ATAD2: variants seen among roughly 807,000 people sequenced by gnomAD.
ATAD2 encodes ATPase family AAA domain-containing protein 2.
A neutral mutation model predicts 168.9 loss-of-function variants in ATAD2; 62 were observed. That is an observed-to-expected ratio of 0.37 (90% CI 0.30 to 0.45). The LOEUF (loss-of-function observed/expected upper bound fraction) is 0.45. Ranked by LOEUF, ATAD2 falls within the 20% of genes least tolerant of loss-of-function variation. ATAD2 has a pLI of 1.00. For missense variants in ATAD2, 1,419 were observed against 1,667.8 expected (o/e 0.85, Z 2.60); for synonymous variants, 613 against 571.6 (o/e 1.07, Z -1.03).
intron 1 of ATAD2, among the ~76,000 whole-genome samples, chr8:123,384,367 T>C (rs1375961403): frequency 6.6e-6 from 1 of 152,122 alleles, no homozygotes; most frequent in East Asian, 1.9e-4. Context: ...AAAAACACAG[T>C]CTTGATTTTT....
intron 8 of ATAD2, among the ~76,000 whole-genome samples, chr8:123,363,946 T>C (rs1828892595): frequency 1.3e-5 from 2 of 152,202 alleles, no homozygotes; most frequent in African/African-American, 4.8e-5. Context: ...CTGCATTCTA[T>C]ACATTACTAT....
At chr8:123,344,748 A>G in intron 19 of ATAD2, 136 bp downstream of exon 19, 1 of 919,256 alleles carries the variant, frequency 1.1e-6, no homozygotes, top group Non-Finnish European at 1.7e-6. Context: ...CCAAATAGTT[A>G]CCAATGGTAT....
chr8:123,406,382 C>CAAAA (rs34085644), intron 1 of ATAD2, among the ~76,000 whole-genome samples: 9 of 90,802 alleles, frequency 9.9e-5, no homozygotes, highest in Non-Finnish European at 1.2e-4. Context: ...ACTGTCTCAC[C>CAAAA]AAAAAAAAAA....
intron 20 of ATAD2, among the ~76,000 whole-genome samples, chr8:123,338,122 C>T (rs948287344): frequency 2.0e-5 from 3 of 151,982 alleles, no homozygotes; most frequent in Admixed American, 6.6e-5. Context: ...TTTGGGAGGC[C>T]GAGGTGGGTG....
chr8:123,359,814 T>C lies in ATAD2; in HGVS notation c.1158-129A>G, dbSNP rs1828759695. 4.7e-6 allele frequency: 3 copies of C among 633,984 alleles called. No individual in the cohort carries two copies. The East Asian group carries it at 8.7e-5, about 18-fold the overall frequency. 39.3% of individuals were successfully genotyped at this position (633,984 alleles called of 1,614,324 possible). A position where few individuals can be genotyped will look rare whatever the true frequency, so the allele number is the denominator to read the frequency against. On this transcript the variant is annotated intron_variant, in intron 9 of 27. Coordinates refer to ENST00000287394, the MANE Select transcript of ATAD2 (RefSeq NM_014109.4). ...TTTCAACCGGAGCAATCTTAAGATA[T>C]GTATTTTAATTTCCTCATTTTCTGT...
At chr8:123,367,135 C>T (rs1170690206) in intron 8 of ATAD2, among the ~76,000 whole-genome samples, 1 of 152,174 alleles carries the variant, frequency 6.6e-6, no homozygotes, top group African/African-American at 2.4e-5. Flanking sequence ...AATAACTCGG[C>T]CGGGTGCAGT....
chr8:123,367,983 T>C (rs1345142507), intron 8 of ATAD2, among the ~76,000 whole-genome samples: 1 of 152,222 alleles, frequency 6.6e-6, no homozygotes, highest in Non-Finnish European at 1.5e-5. Context: ...TCGGTCTTAC[T>C]TCTGAGAAAA....
At chr8:123,400,813 A>G (rs576119689), upstream of ATAD2, 1 of 1,063,322 alleles carries the variant, frequency 9.4e-7, no homozygotes, top group South Asian at 1.2e-5. This position sits in a 1 kb window ranked among gnomAD's most constrained non-coding sequence, Gnocchi z 4.5. Context: ...CAACATGGCC[A>G]TCACGATGGC....
intron 26 of ATAD2, 119 bp downstream of exon 26, chr8:123,325,774 G>A: frequency 7.6e-7 from 1 of 1,320,026 alleles, no homozygotes; most frequent in Non-Finnish European, 1.0e-6. Flanking sequence ...AAGCTTGGAG[G>A]AAAAAAAGTT....
At chr8:123,325,255 CCTAA>C (rs947241914) in intron 26 of ATAD2, among the ~76,000 whole-genome samples, 2 of 150,838 alleles carry the variant, frequency 1.3e-5, no homozygotes, top group African/African-American at 4.9e-5. Context: ...CACCACCACA[CCTAA>C]CTAATTTTTT....
rs572668733 is a variant in ATAD2, at chr8:123,411,122, T to G, written c.-2282+5126A>C. On this transcript the variant is annotated intron_variant, in intron 1 of 28. Transcript: ENST00000521903. Reference sequence around the variant, plus strand: ...CGGCTTGCCACCATCTTGGAAACTTTGTGAACAAGGACCCCTGGTAACATT... The same window carrying G: ...CGGCTTGCCACCATCTTGGAAACTTGGTGAACAAGGACCCCTGGTAACATT... Among the ~76,000 whole-genome samples the G allele has an allele frequency of 5.9e-5, 9 of 152,266 alleles. No homozygotes were observed. The South Asian group carries it at 1.7e-3, about 28-fold the overall frequency.
At chr8:123,340,568 G>A (rs913086362) in intron 19 of ATAD2, among the ~76,000 whole-genome samples, 5 of 152,138 alleles carry the variant, frequency 3.3e-5, no homozygotes, top group East Asian at 1.9e-4. Flanking sequence ...TGACCCAAAC[G>A]TCTGTCACCA....
At chr8:123,322,118 G>T (rs1270996189) in intron 27 of ATAD2, among the ~76,000 whole-genome samples, 1 of 151,728 alleles carries the variant, frequency 6.6e-6, no homozygotes, top group East Asian at 1.9e-4. Context: ...CACCCGAGTA[G>T]CTAGGACTAT....
chr8:123,336,805 C>T (rs1305248205), intron 21 of ATAD2, among the ~76,000 whole-genome samples: 1 of 151,996 alleles, frequency 6.6e-6, no homozygotes, highest in Non-Finnish European at 1.5e-5. Flanking sequence ...ATCCAATTGC[C>T]ACCCATCCTT....
intron 1 of ATAD2, among the ~76,000 whole-genome samples, chr8:123,406,382 C>CAA (rs34085644): frequency 0.35 from 31,623 of 90,564 alleles, 6,315 homozygotes; most frequent in East Asian, 0.53. Context: ...ACTGTCTCAC[C>CAA]AAAAAAAAAA....
In ATAD2 at chr8:123,402,902, G is replaced by A. The variant is rs77044133; in HGVS notation, c.-2281-1727C>T. 3.0e-4 allele frequency among the ~76,000 whole-genome samples: 45 copies of A among 152,144 alleles called. No individual in the cohort carries two copies. The East Asian group carries it at 5.8e-3, about 20-fold the overall frequency. On this transcript the variant is annotated intron_variant, in intron 1 of 28. Transcript: ENST00000521903. This position sits in a 1 kb window ranked among gnomAD's most constrained non-coding sequence, Gnocchi z 4.8. ...TCCTCTAAAGATCCTGATTTCATGC[G>A]TCTGAGATAAGGCCTGGAAACTTGG...
chr8:123,375,757 G>T (rs1449847577), intron 2 of ATAD2, among the ~76,000 whole-genome samples: 1 of 152,204 alleles, frequency 6.6e-6, no homozygotes, highest in Non-Finnish European at 1.5e-5. Flanking sequence ...AATCACCTGA[G>T]ATCAGGAGTT....
intron 2 of ATAD2, 120 bp from the exon 3 acceptor site, chr8:123,372,806 C>A (rs1039762832): frequency 5.5e-6 from 4 of 724,770 alleles, no homozygotes; most frequent in Admixed American, 6.7e-5. Flanking sequence ...TGACTCACTA[C>A]AGCCTCAAAC....
intron 27 of ATAD2, 76 bp from the exon 28 acceptor site, chr8:123,321,251 A>G: frequency 8.0e-7 from 1 of 1,243,640 alleles, no homozygotes; most frequent in South Asian, 1.3e-5. Context: ...TTACTTTTTC[A>G]GTAAACAACC....
Sources: gnomAD v4.1 joint callset for allele counts (sites outside exome capture counted in the v4.1 genomes callset) on GRCh38, gnomAD v4.1.1 for gene constraint, Gnocchi (gnomAD v3.1) non-coding constraint, MANE v1.5 for transcripts, NCBI Gene and HGNC (gene_info 2026-07-23, HGNC 2026-07-21) for gene names.